The following ZNF844 variants were observed in gnomAD, a reference collection of about 807,000 sequenced individuals.
ZNF844 encodes zinc finger protein 844.
A neutral mutation model predicts 11.4 loss-of-function variants in ZNF844; 11 were observed. The ratio of observed to expected loss-of-function variants is 0.97; its 90% CI spans 0.61 to 1.60. ZNF844 has a LOEUF of 1.60. Ranked by LOEUF, ZNF844 falls within the 40% of genes most tolerant of loss-of-function variation. ZNF844 has a pLI of 0.00. For synonymous variants in ZNF844, 248 were observed against 260.3 expected, an observed-to-expected ratio of 0.95 and a Z score of 0.46; for missense variants, 790 against 796.8, an observed-to-expected ratio of 0.99 and a Z score of 0.10.
rs1975864309 is a variant in ZNF844, at chr19:12,079,075, C to T, written c.*1954C>T. ...ATGTTGGCCAGGTTCGTCTCGAACT[C>T]CTGACCTCAGGTGATCCACCTGCCT... On this transcript the variant is annotated 3_prime_UTR_variant, in exon 4 of 4. Coordinates refer to ENST00000439326, the MANE Select transcript of ZNF844 (RefSeq NM_001136501.3). The T allele has an allele frequency of 6.6e-6, 1 of 152,158 alleles. No homozygotes were observed. 9.4% of individuals were successfully genotyped at this position (152,158 alleles called of 1,614,324 possible).
chr19:12,066,077 A>G (rs544356066), intron 1 of ZNF844, among the ~76,000 whole-genome samples: 1 of 152,056 alleles, frequency 6.6e-6, no homozygotes, highest in East Asian at 2.0e-4. Flanking sequence ...CTGGGACTAC[A>G]GGCGCAGGCG....
chr19:12,068,362 T>G (rs1024041418), intron 1 of ZNF844, among the ~76,000 whole-genome samples: 1 of 152,084 alleles, frequency 6.6e-6, no homozygotes, highest in Admixed American at 6.6e-5. Context: ...GTGCGGTGGC[T>G]CACGCCTGTA....
intron 1 of ZNF844, among the ~76,000 whole-genome samples, chr19:12,071,846 G>C (rs1975756035): frequency 6.6e-6 from 1 of 150,806 alleles, no homozygotes; most frequent in Non-Finnish European, 1.5e-5. Context: ...TTTGTGACTG[G>C]CCTTTTGCAA....
chr19:12,081,008 G>T lies in ZNF844; in HGVS notation c.*3887G>T, dbSNP rs1449021868. 1 of 152,208 alleles carries T rather than the reference G, an allele frequency of 6.6e-6. No individual in the cohort carries two copies. Among genetic ancestry groups the T allele is most frequent in the Admixed American group, 6.5e-5 (1 of 15,268 alleles). The allele number at this position is 152,208 out of a possible 1,614,324, so 9.4% of individuals were successfully genotyped here. A position where few individuals can be genotyped will look rare whatever the true frequency, so the allele number is the denominator to read the frequency against. ...GACCTCAAGTGATCCGTCTGTCTTGGCCTTTCAAAATGCTGGGATTATAGG... is the reference window on the plus strand; with the variant it reads ...GACCTCAAGTGATCCGTCTGTCTTGTCCTTTCAAAATGCTGGGATTATAGG... On this transcript the variant is annotated 3_prime_UTR_variant, in exon 4 of 4. Transcript: ENST00000439326.
chr19:12,075,953 A>G lies in ZNF844; in HGVS notation c.833A>G (p.Glu278Gly), dbSNP rs747763690. 1 of 1,597,690 alleles carries G rather than the reference A, an allele frequency of 6.3e-7. No homozygotes were observed. Among genetic ancestry groups the G allele is most frequent in the South Asian group, 1.1e-5 (1 of 89,452 alleles). The stretch of plus-strand genomic sequence containing the variant: ...GAACATAGAAGAACTCACACTGGAG[A>G]GAAGCCATATGAATGCAAACAATGT... ...LYEHRRTHTGEKPYECKQCGK... is the reference protein window; with the variant it reads ...LYEHRRTHTGGKPYECKQCGK... The change falls in exon 4 of 4, where the codon GAG (glutamate) becomes GGG (glycine). Residue 278 changes from glutamate to glycine, a missense_variant. Glu to Gly is a moderately conservative substitution (Grantham distance 98). This residue lies in a region of ZNF844 where 657 missense variants were observed against 636.2 expected (regional missense o/e 1.03). Transcript: ENST00000439326.
rs376074695 is a variant in ZNF844 at position 12,074,176 on chromosome 19, C to T, written c.130+19C>T. ...TCCATAGGTAAGAATGACAGTATTA[C>T]GTCCCCCAGTGAATGAGACAAGTGT... On this transcript the variant is annotated intron_variant, in intron 2 of 3. Coordinates refer to ENST00000439326, the MANE Select transcript of ZNF844 (RefSeq NM_001136501.3). The T allele has an allele frequency of 2.0e-5, 32 of 1,612,488 alleles. 1 individual carries two copies. Among genetic ancestry groups the T allele is most frequent in the South Asian group, 3.3e-5 (3 of 90,946 alleles).
At chr19:12,072,333 A>G (rs540355290) in intron 1 of ZNF844, among the ~76,000 whole-genome samples, 7 of 152,320 alleles carry the variant, frequency 4.6e-5, no homozygotes, top group African/African-American at 1.2e-4. Flanking sequence ...TCTCTTGGCT[A>G]TTGTGAACAG....
In ZNF844 at chr19:12,067,651, T is replaced by G. The variant is rs545140309; in HGVS notation, c.3+2775T>G. Among the ~76,000 whole-genome samples the G allele has an allele frequency of 5.0e-5, 7 of 138,652 alleles. No individual in the cohort carries two copies. In the South Asian group the frequency reaches 1.7e-3, roughly 34 times the overall value. The allele number at this position is 138,652 out of a possible 152,430, so 91.0% of individuals were successfully genotyped here. On this transcript the variant is annotated intron_variant, in intron 1 of 3. Coordinates refer to ENST00000439326, the MANE Select transcript of ZNF844 (RefSeq NM_001136501.3). ...AAAAAAAAAGGCCGGGCGCGGTGGCTCACGCCTGTAATCCCAGCACTTTGG... is the reference window on the plus strand; with the variant it reads ...AAAAAAAAAGGCCGGGCGCGGTGGCGCACGCCTGTAATCCCAGCACTTTGG...
At chr19:12,067,802 G>C (rs1975706328) in intron 1 of ZNF844, among the ~76,000 whole-genome samples, 1 of 151,104 alleles carries the variant, frequency 6.6e-6, no homozygotes, top group African/African-American at 2.4e-5. Flanking sequence ...TGTAGTCCCA[G>C]CTATCAGAGA....
intron 1 of ZNF844, among the ~76,000 whole-genome samples, chr19:12,073,757 T>A (rs1405246108): frequency 2.0e-5 from 3 of 152,122 alleles, no homozygotes; most frequent in African/African-American, 7.2e-5. Flanking sequence ...AAACAGACAT[T>A]AAGAGCAGCC....
At position 12,078,382 on chromosome 19, in the gene ZNF844, C is replaced by G. The variant is rs966438105; in HGVS notation, c.*1261C>G. On this transcript the variant is annotated 3_prime_UTR_variant, in exon 4 of 4. Coordinates refer to ENST00000439326, the MANE Select transcript of ZNF844 (RefSeq NM_001136501.3). ...CCTGAAGTGATCCACCTGCCTTAGCCTCCCAAAGTGCTGGGATGACAGGCA... is the reference window on the plus strand; with the variant it reads ...CCTGAAGTGATCCACCTGCCTTAGCGTCCCAAAGTGCTGGGATGACAGGCA... 4 of 152,212 alleles carry G rather than the reference C, an allele frequency of 2.6e-5. No homozygotes were observed. Among genetic ancestry groups the G allele is most frequent in the African/African-American group, 4.8e-5 (2 of 41,430 alleles). The allele number at this position is 152,212 out of a possible 1,614,324, so 9.4% of individuals were successfully genotyped here. A position where few individuals can be genotyped will look rare whatever the true frequency, so the allele number is the denominator to read the frequency against.
rs779686589 is a variant in ZNF844 at position 12,076,893 on chromosome 19, G to A, written c.1773G>A (p.Val591=). Residue 591 remains valine (V), a synonymous_variant, in exon 4 of 4, where the codon GTG becomes GTA. Transcript: ENST00000439326. Reference sequence around the variant, plus strand: ...GAATGCCTATGAATGTAAAGAGTGTGACAAAGCATTCATATCTGCCAAGAT... The same window carrying A: ...GAATGCCTATGAATGTAAAGAGTGTAACAAAGCATTCATATCTGCCAAGAT... ...EDRMPMNVKS[V]TKHSYLPRSF... is the part of the protein sequence containing the mutation. 1.5e-5 allele frequency: 23 copies of A among 1,575,366 alleles called. No homozygotes were observed. The highest frequency in any genetic ancestry group is 4.6e-5 in the South Asian group (4 of 86,602).
chr19:12,079,007 G>T lies in ZNF844; in HGVS notation c.*1886G>T, dbSNP rs573281005. 1 of 151,924 alleles carries T rather than the reference G, an allele frequency of 6.6e-6. No individual in the cohort carries two copies. Among genetic ancestry groups the T allele is most frequent in the Admixed American group, 6.6e-5 (1 of 15,236 alleles). 9.4% of individuals were successfully genotyped at this position (151,924 alleles called of 1,614,324 possible). On this transcript the variant is annotated 3_prime_UTR_variant, in exon 4 of 4. Transcript: ENST00000439326. ...TGGGATTACAGGTGACCGCCACCACGCCCAGCTAATTTTTGTATTTTTAGT... is the reference window on the plus strand; with the variant it reads ...TGGGATTACAGGTGACCGCCACCACTCCCAGCTAATTTTTGTATTTTTAGT...
At chr19:12,068,396 G>A (rs556079774) in intron 1 of ZNF844, among the ~76,000 whole-genome samples, 36 of 152,196 alleles carry the variant, frequency 2.4e-4, no homozygotes, top group Non-Finnish European at 4.6e-4. Flanking sequence ...GGGAGGCTGA[G>A]GCGGGCAGAT....
At chr19:12,075,029 C>T (rs1363356853) in intron 3 of ZNF844, among the ~76,000 whole-genome samples, 1 of 151,988 alleles carries the variant, frequency 6.6e-6, no homozygotes, top group Non-Finnish European at 1.5e-5. Context: ...GGGTAGAAAG[C>T]CTACACTTTC....
At chr19:12,067,950 A>G (rs1280875684) in intron 1 of ZNF844, among the ~76,000 whole-genome samples, 18 of 129,590 alleles carry the variant, frequency 1.4e-4, no homozygotes, top group African/African-American at 5.0e-4. Context: ...GAAAGAAGGA[A>G]AGAAGGAAAG....
rs147398646 is a variant in ZNF844, at chr19:12,075,620, A to G, written c.500A>G (p.Lys167Arg). ...CAAGAAAAGGCTCACACTGGAGAAA[A>G]ACTCTATGATTGTAAAGAATGTGGA... The part of the protein sequence containing the change: ...QMQEKAHTGE[K>R]LYDCKECGKT... The change falls in exon 4 of 4, where the codon AAA (lysine) becomes AGA (arginine). Residue 167 changes from lysine (K) to arginine (R), a missense_variant. By Grantham distance (26) the Lys-to-Arg change is conservative. Transcript: ENST00000439326. The G allele has an allele frequency of 1.1e-4, 171 of 1,613,388 alleles. No individual in the cohort carries two copies. The African/African-American group carries it at 1.9e-3, about 18-fold the overall frequency.
rs770793803 is a variant in ZNF844 at position 12,075,560 on chromosome 19, A to C, written c.440A>C (p.Lys147Thr). The C allele has an allele frequency of 1.2e-6, 2 of 1,614,142 alleles. No individual in the cohort carries two copies. The highest frequency in any genetic ancestry group is 8.5e-7 in the Non-Finnish European group (1 of 1,180,018). ...GQEPYKCQQR[K>T]KAFRCHPSFQ... ...GAGCCATATAAGTGTCAACAACGTAAGAAAGCCTTCAGATGTCACCCCTCC... is the reference window on the plus strand; with the variant it reads ...GAGCCATATAAGTGTCAACAACGTACGAAAGCCTTCAGATGTCACCCCTCC... Residue 147 changes from lysine (K) to threonine (T), a missense_variant, in exon 4 of 4, where the codon AAG becomes ACG. Transcript: ENST00000439326.
At chr19:12,075,184 C>A (rs1403468592) in intron 3 of ZNF844, 128 bp from the exon 4 acceptor site, 3 of 629,108 alleles carry the variant, frequency 4.8e-6, no homozygotes, top group Non-Finnish European at 6.4e-6. Flanking sequence ...GCACATGTAC[C>A]CTAAAACTTA....
Sources: gnomAD v4.1 joint callset for allele counts (sites outside exome capture counted in the v4.1 genomes callset) on GRCh38, gnomAD v4.1.1 for gene constraint, gnomAD v4.1.1 regional missense constraint, MANE v1.5 for transcripts, NCBI Gene and HGNC (gene_info 2026-07-23, HGNC 2026-07-21) for gene names.